The following GOLGA8Q variants were observed in gnomAD, a reference collection of about 807,000 sequenced individuals.
GOLGA8Q encodes the protein golgin A8 family member Q.
A neutral mutation model predicts 48.7 loss-of-function variants in GOLGA8Q; 3 were observed. The observed-to-expected ratio is 0.06, with a 90% CI of 0.03 to 0.16. The LOEUF (loss-of-function observed/expected upper bound fraction) is 0.16. GOLGA8Q is among the 10% of genes least tolerant of loss of function. GOLGA8Q has a pLI of 1.00. For missense variants in GOLGA8Q, 49 were observed against 364.3 expected, an observed-to-expected ratio of 0.13 and a Z score of 7.05; for synonymous variants, 22 against 138.2, an observed-to-expected ratio of 0.16 and a Z score of 5.90.
chr15:30,559,066 G>T, intron 12 of GOLGA8Q, 99 bp downstream of exon 12: 2 of 264,940 alleles, frequency 7.5e-6, no homozygotes, highest in Non-Finnish European at 1.4e-5. Flanking sequence ...CGCGTGAAAG[G>T]TTACTTCTAA....
intron 13 of GOLGA8Q, chr15:30,559,630 T>C: frequency 2.7e-6 from 1 of 366,954 alleles, no homozygotes; most frequent in Non-Finnish European, 5.3e-6. Flanking sequence ...GGCAGAAGAA[T>C]CACTTGAGGT....
chr15:30,560,506 A>G, intron 13 of GOLGA8Q, 30 bp from the exon 14 acceptor site: 4 of 1,078,150 alleles, frequency 3.7e-6, no homozygotes, highest in South Asian at 1.5e-5. Flanking sequence ...GGCAAACTCC[A>G]TCCCTTCTCA....
intron 4 of GOLGA8Q, among the ~76,000 whole-genome samples, chr15:30,555,632 C>T (rs1406198374): frequency 9.3e-6 from 1 of 107,338 alleles, no homozygotes; most frequent in African/African-American, 3.8e-5. Flanking sequence ...CCGTACCTGG[C>T]CCATACGTGC....
At position 30,561,619 on chromosome 15, in the gene GOLGA8Q, C is replaced by G. The variant is rs201958248; in HGVS notation, c.1369-90C>G. The G allele has an allele frequency of 2.7e-4, 202 of 741,778 alleles. 10 individuals carry two copies. Among genetic ancestry groups the G allele is most frequent in the Middle Eastern group, 4.0e-4 (1 of 2,514 alleles). The allele number at this position is 741,778 out of a possible 1,614,324, so 45.9% of individuals were successfully genotyped here. A position where few individuals can be genotyped will look rare whatever the true frequency, so the allele number is the denominator to read the frequency against. The stretch of plus-strand genomic sequence containing the variant: ...GAAGTCACGGAGAAGCTGGCCCATG[C>G]CAGGACTCACCTCCACCTTCTCCAT... On this transcript the variant is annotated intron_variant, in intron 15 of 18. Coordinates refer to ENST00000562783, the MANE Select transcript of GOLGA8Q (RefSeq NM_001355476.2).
In GOLGA8Q at chr15:30,558,282, G is replaced by T. The variant is rs2059656991; in HGVS notation, c.822G>T (p.Met274Ile). ...CTLKKEKQQD[M>I]RRVEELERSL... is the part of the protein sequence containing the mutation. ...TAAAGAAAGAGAAGCAGCAAGATAT[G>T]CGTCGGGTAGAGGAGCTGGAGAGGA... The change falls in exon 11 of 19, where the codon ATG becomes ATT. Residue 274 changes from methionine (M) to isoleucine (I), a missense_variant. Transcript: ENST00000562783. The T allele has an allele frequency of 1.9e-5, 8 of 417,740 alleles. 2 individuals are homozygous for T. The East Asian group carries it at 2.1e-4, about 11-fold the overall frequency. The allele number at this position is 417,740 out of a possible 1,614,324, so 25.9% of individuals were successfully genotyped here. A position where few individuals can be genotyped will look rare whatever the true frequency, so the allele number is the denominator to read the frequency against.
intron 4 of GOLGA8Q, among the ~76,000 whole-genome samples, chr15:30,555,547 A>G (rs1324805208): frequency 2.2e-4 from 24 of 110,276 alleles, no homozygotes; most frequent in African/African-American, 8.2e-4. Context: ...TGAGATTTAA[A>G]GGCCCCCTAG....
rs1234952420 is a variant in GOLGA8Q at position 30,560,363 on chromosome 15, A to G, written c.1201-173A>G. ...AGGCGCTGTACAGGCAGTGACTGCAACAGACCCAGCTAATGAACCAGCTGC... is the reference window on the plus strand; with the variant it reads ...AGGCGCTGTACAGGCAGTGACTGCAGCAGACCCAGCTAATGAACCAGCTGC... On this transcript the variant is annotated intron_variant, in intron 13 of 18. Transcript: ENST00000562783. 3.2e-5 allele frequency among the ~76,000 whole-genome samples: 3 copies of G among 92,778 alleles called. 1 individual carries two copies. The highest frequency in any genetic ancestry group is 2.9e-4 in the South Asian group (1 of 3,442). 60.9% of individuals were successfully genotyped at this position (92,778 alleles called of 152,430 possible). A position where few individuals can be genotyped will look rare whatever the true frequency, so the allele number is the denominator to read the frequency against.
chr15:30,558,078 A>C, intron 10 of GOLGA8Q, 27 bp downstream of exon 10: 1 of 1,041,308 alleles, frequency 9.6e-7, no homozygotes, highest in Non-Finnish European at 1.3e-6. Flanking sequence ...CAGCCCCCCC[A>C]CATTAGATAG....
intron 2 of GOLGA8Q, among the ~76,000 whole-genome samples, chr15:30,554,275 C>G (rs1176903700): frequency 7.9e-6 from 1 of 126,146 alleles, no homozygotes; most frequent in African/African-American, 3.4e-5. Flanking sequence ...CGCACTCCAG[C>G]CTGGTGAAAG....
At chr15:30,559,721 T>G (rs1450052070) in intron 13 of GOLGA8Q, among the ~76,000 whole-genome samples, 1 of 149,978 alleles carries the variant, frequency 6.7e-6, no homozygotes, top group Non-Finnish European at 1.5e-5. Context: ...AGCAGGGCAT[T>G]GTGGCGCATG....
At chr15:30,554,366 A>C (rs992162889) in intron 2 of GOLGA8Q, among the ~76,000 whole-genome samples, 1 of 104,900 alleles carries the variant, frequency 9.5e-6, no homozygotes, top group Non-Finnish European at 1.9e-5. Flanking sequence ...TAGGGATATG[A>C]TTTAGGGCAA....
rs1229105671 is a variant in GOLGA8Q, at chr15:30,554,416, T to C, written c.169-385T>C. On this transcript the variant is annotated intron_variant, in intron 2 of 18. Coordinates refer to ENST00000562783, the MANE Select transcript of GOLGA8Q (RefSeq NM_001355476.2). ...TTGGGCCTCTCTTTTCACATCTGTA[T>C]AATAGAGGTGTTATTGTTTCACTTC... Among the ~76,000 whole-genome samples, 384 of 58,882 alleles carry C rather than the reference T, an allele frequency of 6.5e-3. 9 individuals carry two copies. The highest frequency in any genetic ancestry group is 0.035 in the African/African-American group (320 of 9,054). 38.6% of individuals were successfully genotyped at this position (58,882 alleles called of 152,430 possible).
intron 8 of GOLGA8Q, among the ~76,000 whole-genome samples, 181 bp downstream of exon 8, chr15:30,556,881 TG>T (rs1238958020): frequency 1.0e-5 from 1 of 99,362 alleles, no homozygotes; most frequent in African/African-American, 5.0e-5. Context: ...GTGGGTGAGT[TG>T]GGGGGTACTG....
Position 30,559,250 on chromosome 15 carries a change from TTG to T in GOLGA8Q, c.1160_1161del (p.Leu387Ter). ...LNNENKSTLQ[L>X]EQQVKELQEK... ...CAATGAGAACAAGAGCACACTGCAG[TTG>T]GAGCAGCAAGTAAAGGAGCTACAGG... On this transcript the variant is annotated frameshift_variant, in exon 13 of 19. Transcript: ENST00000562783. LOFTEE classifies it high-confidence loss of function. 8.6e-7 allele frequency: 1 copy of T among 1,165,528 alleles called. No homozygotes were observed. The allele number at this position is 1,165,528 out of a possible 1,614,324, so 72.2% of individuals were successfully genotyped here.
chr15:30,554,245 A>G (rs1245858489), intron 2 of GOLGA8Q, among the ~76,000 whole-genome samples: 1 of 118,932 alleles, frequency 8.4e-6, no homozygotes, highest in Non-Finnish European at 1.7e-5. Flanking sequence ...TGGAGCTTGC[A>G]GTGGCCAAGA....
rs543964372 is a variant in GOLGA8Q at position 30,555,628 on chromosome 15, C to T, written c.310-346C>T. Among the ~76,000 whole-genome samples, 259 of 107,666 alleles carry T rather than the reference C, an allele frequency of 2.4e-3. 2 individuals are homozygous for T. The highest frequency in any genetic ancestry group is 4.1e-3 in the Non-Finnish European group (199 of 48,328). The allele number at this position is 107,666 out of a possible 152,430, so 70.6% of individuals were successfully genotyped here. On this transcript the variant is annotated intron_variant, in intron 4 of 18. Transcript: ENST00000562783. ...CTATATCTGCTGTGAAGAACCGTAC[C>T]TGGCCCATACGTGCTCAGTAAGTGT...
Position 30,556,015 on chromosome 15 carries a change from A to G in GOLGA8Q, c.348+3A>G, listed in dbSNP as rs1306689413. 5.1e-5 allele frequency: 54 copies of G among 1,066,338 alleles called. 14 individuals are homozygous for G. Among genetic ancestry groups the G allele is most frequent in the Admixed American group, 2.5e-4 (12 of 47,698 alleles). The allele number at this position is 1,066,338 out of a possible 1,614,324, so 66.1% of individuals were successfully genotyped here. ...AAGTGGAACATCAGCTGGAAGAAGTAACGTGATTTCGTTTCCTCGCAACAT... is the reference window on the plus strand; with the variant it reads ...AAGTGGAACATCAGCTGGAAGAAGTGACGTGATTTCGTTTCCTCGCAACAT... On this transcript the variant is annotated splice_donor_region_variant and intron_variant, in intron 5 of 18. Coordinates refer to ENST00000562783, the MANE Select transcript of GOLGA8Q (RefSeq NM_001355476.2).
In GOLGA8Q at chr15:30,560,467, C is replaced by T. The variant is rs1039580021; in HGVS notation, c.1201-69C>T. The stretch of plus-strand genomic sequence containing the variant: ...CAGGAGACCCAGGGGAGGGAGCTGC[C>T]GAGGATGGGGCTGTGAGGGGGACGA... On this transcript the variant is annotated intron_variant, in intron 13 of 18. Coordinates refer to ENST00000562783, the MANE Select transcript of GOLGA8Q (RefSeq NM_001355476.2). 2.4e-4 allele frequency: 238 copies of T among 990,796 alleles called. 74 individuals carry two copies. The African/African-American group carries it at 2.5e-3, about 11-fold the overall frequency. The allele number at this position is 990,796 out of a possible 1,614,324, so 61.4% of individuals were successfully genotyped here. A position where few individuals can be genotyped will look rare whatever the true frequency, so the allele number is the denominator to read the frequency against.
At chr15:30,559,696 A>T (rs371275343) in intron 13 of GOLGA8Q, among the ~76,000 whole-genome samples, 26,330 of 150,206 alleles carry the variant, frequency 0.18, 514 homozygotes, top group Non-Finnish European at 0.23. Context: ...TACTAAAATT[A>T]AAAAAAAAAA....
Sources: allele counts gnomAD v4.1 joint callset (sites outside exome capture counted in the v4.1 genomes callset), GRCh38; gene constraint gnomAD v4.1.1; transcripts MANE v1.5; gene names NCBI Gene and HGNC (gene_info 2026-07-23, HGNC 2026-07-21).